Variants in FUBP1 observed in about 807,000 individuals in gnomAD.
The protein encoded by FUBP1 is far upstream element-binding protein 1.
FUBP1 carries 16 observed loss-of-function variants against 94.9 expected under a neutral mutation model. The ratio of observed to expected loss-of-function variants is 0.17; its 90% confidence interval spans 0.11 to 0.26. The LOEUF (loss-of-function observed/expected upper bound fraction) is 0.26, where lower values mean the gene tolerates loss of function less well. FUBP1 is among the 10% of genes least tolerant of loss of function. The pLI, the probability that FUBP1 is intolerant of heterozygous loss-of-function variation, is 1.00. For synonymous variants in FUBP1, 279 were observed against 254.9 expected, an observed-to-expected ratio of 1.09 and a Z score of -0.90; for missense variants, 583 against 808.6, an observed-to-expected ratio of 0.72 and a Z score of 3.38.
intron 2 of FUBP1, chr1:77,969,230 A>G (rs925037602): frequency 3.8e-6 from 1 of 262,368 alleles, no homozygotes; most frequent in African/African-American, 2.3e-5. Context: ...AGCTACAAAT[A>G]CATTCTATAG....
chr1:77,968,115 C>G (rs368713968), intron 3 of FUBP1, 50 bp downstream of exon 3: 2 of 1,183,992 alleles, frequency 1.7e-6, no homozygotes, highest in East Asian at 2.7e-5. Context: ...AAAATCTTAA[C>G]ATTGAAATTG....
chr1:77,956,598 G>T lies in FUBP1; in HGVS notation c.1679C>A (p.Pro560Gln). The change falls in exon 17 of 20, where the codon CCA (proline) becomes CAA (glutamine). Residue 560 changes from proline (P) to glutamine (Q), a missense_variant. Transcript: ENST00000370768. ...TTGTCCATTAGTTTGAGTTGTAGTT[G>T]GTGCACCTGCAGGGGCTGCTGGTGG... ...QPPPAAPAGA[P>Q]TTTQTNGQGD... 6.2e-7 allele frequency: 1 copy of T among 1,612,346 alleles called. No homozygotes were observed. Among genetic ancestry groups the T allele is most frequent in the Non-Finnish European group, 8.5e-7 (1 of 1,178,514 alleles).
chr1:77,962,541 T>C (rs921382504), intron 14 of FUBP1, among the ~76,000 whole-genome samples: 8 of 152,182 alleles, frequency 5.3e-5, no homozygotes, highest in South Asian at 4.1e-4. Context: ...CCTCCTCTTA[T>C]CTAGCCACAC....
At chr1:77,949,374 C>T in intron 18 of FUBP1, 74 bp from the exon 19 acceptor site, 2 of 1,201,838 alleles carry the variant, frequency 1.7e-6, no homozygotes, top group Non-Finnish European at 2.4e-6. Flanking sequence ...AAAAACAATA[C>T]CTTGCTTCTT....
chr1:77,966,962 A>G lies in FUBP1; in HGVS notation c.344-7T>C, dbSNP rs1656621608. On this transcript the variant is annotated splice_region_variant and splice_polypyrimidine_tract_variant and intron_variant, in intron 5 of 19. Coordinates refer to ENST00000370768, the MANE Select transcript of FUBP1 (RefSeq NM_003902.5). ...TCACCTCCTCTGCCAATTACTAGTT[A>G]GAAAAAAAAAAATTTTTTTTTTGGT... The G allele has an allele frequency of 1.3e-6, 2 of 1,583,586 alleles. No individual in the cohort carries two copies. Among genetic ancestry groups the G allele is most frequent in the Non-Finnish European group, 1.7e-6 (2 of 1,156,890 alleles).
chr1:77,950,085 C>T (rs765207024), intron 18 of FUBP1, among the ~76,000 whole-genome samples: 1 of 152,172 alleles, frequency 6.6e-6, no homozygotes, highest in African/African-American at 2.4e-5. Flanking sequence ...CTGAATTAAA[C>T]AAAACACACA....
intron 1 of FUBP1, among the ~76,000 whole-genome samples, chr1:77,973,216 T>A (rs1657923481): frequency 1.3e-5 from 2 of 152,098 alleles, no homozygotes; most frequent in Admixed American, 1.3e-4. Context: ...ATTAGACATT[T>A]ATGAGGTGTG....
In FUBP1 at chr1:77,967,614, C is replaced by T; in HGVS notation, c.290+13G>A. Reference sequence around the variant, plus strand: ...AACTTGCAGAGTACTTTTTGAAAATCTTGTGACTATACCTTTGCTGCTGAT... The same window carrying T: ...AACTTGCAGAGTACTTTTTGAAAATTTTGTGACTATACCTTTGCTGCTGAT... On this transcript the variant is annotated intron_variant, in intron 4 of 19. Coordinates refer to ENST00000370768, the MANE Select transcript of FUBP1 (RefSeq NM_003902.5). 1 of 1,586,076 alleles carries T rather than the reference C, an allele frequency of 6.3e-7. No homozygotes were observed. Among genetic ancestry groups the T allele is most frequent in the Non-Finnish European group, 8.6e-7 (1 of 1,160,234 alleles).
rs1652357227 is a variant in FUBP1 at position 77,947,247 on chromosome 1, A to G, written c.*1519T>C. On this transcript the variant is annotated 3_prime_UTR_variant, in exon 20 of 20. Coordinates refer to ENST00000370768, the MANE Select transcript of FUBP1 (RefSeq NM_003902.5). ...CTTTAGCTATAGCTAAAGCATATAA[A>G]AAATACTTACCCATTAAGCTCACTT... 3 of 287,228 alleles carry G rather than the reference A, an allele frequency of 1.0e-5. No individual in the cohort carries two copies. The South Asian group carries it at 1.7e-4, about 16-fold the overall frequency. 17.8% of individuals were successfully genotyped at this position (287,228 alleles called of 1,614,324 possible). A position where few individuals can be genotyped will look rare whatever the true frequency, so the allele number is the denominator to read the frequency against.
intron 18 of FUBP1, among the ~76,000 whole-genome samples, chr1:77,949,824 T>G (rs896201869): frequency 4.6e-5 from 7 of 152,176 alleles, no homozygotes; most frequent in Non-Finnish European, 1.0e-4. Flanking sequence ...CCAAGACTTT[T>G]TCCTGATTAG....
intron 1 of FUBP1, among the ~76,000 whole-genome samples, chr1:77,970,293 G>A (rs970768860): frequency 6.8e-6 from 1 of 147,938 alleles, no homozygotes; most frequent in Non-Finnish European, 1.5e-5. Flanking sequence ...CAGATTTAAA[G>A]AAAATCTGGA....
intron 14 of FUBP1, among the ~76,000 whole-genome samples, chr1:77,962,485 C>T (rs560900946): frequency 6.6e-6 from 1 of 152,266 alleles, no homozygotes; most frequent in South Asian, 2.1e-4. Context: ...AAGTATGTTC[C>T]ACAATCCTAC....
At chr1:77,973,240 T>G (rs1259748612) in intron 1 of FUBP1, among the ~76,000 whole-genome samples, 1 of 152,172 alleles carries the variant, frequency 6.6e-6, no homozygotes, top group Admixed American at 6.5e-5. Context: ...AACTTTTTAC[T>G]TTATTTAATT....
Position 77,960,589 on chromosome 1 carries a change from T to C in FUBP1, c.1345-94A>G, listed in dbSNP as rs1355668300. The stretch of plus-strand genomic sequence containing the variant: ...ATAATCATCCATTTCTACCCTCTTA[T>C]AGTCACAAATAACAAATTTTAGGTT... On this transcript the variant is annotated intron_variant, in intron 14 of 19. Transcript: ENST00000370768. The C allele has an allele frequency of 3.5e-5, 36 of 1,014,378 alleles. No individual in the cohort carries two copies. The East Asian group carries it at 3.8e-4, about 11-fold the overall frequency. The allele number at this position is 1,014,378 out of a possible 1,614,324, so 62.8% of individuals were successfully genotyped here.
chr1:77,956,712 G>C lies in FUBP1; in HGVS notation c.1577-12C>G, dbSNP rs547494227. Reference sequence around the variant, plus strand: ...CGTTCCTGCCTTAGCTAAAATAAATGAAAGTTCAAGGTTTGCATGTGAAGT... The same window carrying C: ...CGTTCCTGCCTTAGCTAAAATAAATCAAAGTTCAAGGTTTGCATGTGAAGT... On this transcript the variant is annotated splice_polypyrimidine_tract_variant and intron_variant, in intron 16 of 19. Coordinates refer to ENST00000370768, the MANE Select transcript of FUBP1 (RefSeq NM_003902.5). 9 of 1,605,898 alleles carry C rather than the reference G, an allele frequency of 5.6e-6. No individual in the cohort carries two copies. Among genetic ancestry groups the C allele is most frequent in the African/African-American group, 4.0e-5 (3 of 74,828 alleles).
At position 77,949,311 on chromosome 1, in the gene FUBP1, A is replaced by C. The variant is rs569201989; in HGVS notation, c.1781-11T>G. On this transcript the variant is annotated splice_polypyrimidine_tract_variant and intron_variant, in intron 18 of 19. Transcript: ENST00000370768. ...CAGGAACTGCCTGACCTTTGAAAAA[A>C]AAGAACTTTGTTGCTGTAACCACAA... 6.2e-7 allele frequency: 1 copy of C among 1,611,008 alleles called. No individual in the cohort carries two copies. Among genetic ancestry groups the C allele is most frequent in the Non-Finnish European group, 8.5e-7 (1 of 1,178,366 alleles).
intron 1 of FUBP1, among the ~76,000 whole-genome samples, chr1:77,972,996 G>C (rs535707267): frequency 1.3e-3 from 192 of 144,862 alleles, no homozygotes; most frequent in African/African-American, 4.6e-3. Flanking sequence ...CGCTAATACA[G>C]CAAGACTCCA....
chr1:77,974,785 G>GAGGAATA (rs1557479289), intron 1 of FUBP1, among the ~76,000 whole-genome samples: 3 of 152,084 alleles, frequency 2.0e-5, no homozygotes, highest in African/African-American at 7.2e-5. Context: ...TTCTTGGAAT[G>GAGGAATA]TATCCTCCGA....
chr1:77,966,219 T>A (rs1176016945), intron 7 of FUBP1, among the ~76,000 whole-genome samples: 1 of 152,182 alleles, frequency 6.6e-6, no homozygotes, highest in Non-Finnish European at 1.5e-5. Flanking sequence ...AAAAGCTTCT[T>A]ATCATTTGCT....
Sources: gnomAD v4.1 joint callset for allele counts (sites outside exome capture counted in the v4.1 genomes callset) on GRCh38, gnomAD v4.1.1 for gene constraint, MANE v1.5 for transcripts, NCBI Gene and HGNC (gene_info 2026-07-23, HGNC 2026-07-21) for gene names.